Variants in GPN1 observed in about 807,000 individuals in gnomAD.
The protein encoded by GPN1 is ATP(GTP)-binding protein.
GPN1 carries 44 observed loss-of-function variants against 55.9 expected under a neutral mutation model. The observed-to-expected ratio is 0.79, with a 90% CI of 0.62 to 1.01. The LOEUF is 1.01. GPN1 is among the 50% of genes least tolerant of loss of function. GPN1 has a pLI of 0.00. For synonymous variants in GPN1, 179 were observed against 162.5 expected (o/e 1.10, Z -0.77); for missense variants, 466 against 462.8 (o/e 1.01, Z -0.06).
At chr2:27,644,266 TATAA>T (rs1674107580) in intron 12 of GPN1, among the ~76,000 whole-genome samples, 2 of 152,248 alleles carry the variant, frequency 1.3e-5, no homozygotes, top group African/African-American at 4.8e-5. Context: ...GCTTTGAGAC[TATAA>T]ATATCCTTTT....
chr2:27,631,080 T>G lies in GPN1; in HGVS notation c.245+14T>G. 7.6e-7 allele frequency: 1 copy of G among 1,322,668 alleles called. No individual in the cohort carries two copies. Among genetic ancestry groups the G allele is most frequent in the South Asian group, 1.2e-5 (1 of 84,176 alleles). 81.9% of individuals were successfully genotyped at this position (1,322,668 alleles called of 1,614,324 possible). A position where few individuals can be genotyped will look rare whatever the true frequency, so the allele number is the denominator to read the frequency against. On this transcript the variant is annotated intron_variant, in intron 3 of 13. Coordinates refer to ENST00000610189, the MANE Select transcript of GPN1 (RefSeq NM_007266.4). ...AGTAATGAAACAGTATCCTTTTCCATCTACTTTGGTCTTGACTCATTCCTG... is the reference window on the plus strand; with the variant it reads ...AGTAATGAAACAGTATCCTTTTCCAGCTACTTTGGTCTTGACTCATTCCTG...
intron 10 of GPN1, 45 bp from the exon 11 acceptor site, chr2:27,641,195 A>T: frequency 7.5e-7 from 1 of 1,333,034 alleles, no homozygotes; most frequent in South Asian, 1.2e-5. Flanking sequence ...AGTCAGTAGG[A>T]TAGAGGATTA....
chr2:27,641,271 A>G lies in GPN1; in HGVS notation c.832A>G (p.Lys278Glu). The change falls in exon 11 of 14, where the codon AAA (lysine) becomes GAA (glutamate). Residue 278 changes from lysine to glutamate, a missense_variant. Coordinates refer to ENST00000610189, the MANE Select transcript of GPN1 (RefSeq NM_007266.4). ...TCGTCCTGAATATGAACGTCTGAAA[A>G]AATCACTGGTAAGAAGGGAGGCTGT... ...EYRPEYERLK[K>E]SLANAESQQQ... 6.2e-7 allele frequency: 1 copy of G among 1,607,200 alleles called. No individual in the cohort carries two copies. Among genetic ancestry groups the G allele is most frequent in the Non-Finnish European group, 8.5e-7 (1 of 1,173,902 alleles).
chr2:27,628,469 C>CGCTA (rs1673378286), upstream of GPN1: 3 of 1,551,330 alleles, frequency 1.9e-6, no homozygotes, highest in South Asian at 1.2e-5. Flanking sequence ...AAGGAATGAG[C>CGCTA]GCTAGCATCA....
In GPN1 at chr2:27,640,068, G is replaced by A. The variant is rs556761625; in HGVS notation, c.743G>A (p.Gly248Asp). 3.7e-6 allele frequency: 6 copies of A among 1,612,686 alleles called. No individual in the cohort carries two copies. The South Asian group carries it at 4.4e-5, about 12-fold the overall frequency. The change falls in exon 10 of 14, where the codon GGT becomes GAT. Residue 248 changes from glycine to aspartate, a missense_variant. Gly to Asp is a moderately conservative substitution (Grantham distance 94). Transcript: ENST00000610189. ...GTGGTGGGTGTCTCTGCTGTTCTGG[G>A]TACTGGATTAGATGAACTCTTTGTG... The part of the protein sequence containing the change: ...LRVVGVSAVL[G>D]TGLDELFVQV...
At chr2:27,649,407 A>T (rs1674410112) in intron 13 of GPN1, among the ~76,000 whole-genome samples, 1 of 152,044 alleles carries the variant, frequency 6.6e-6, no homozygotes, top group Admixed American at 6.6e-5. Context: ...CAACAGTGAA[A>T]CTCACTTTTT....
At position 27,638,896 on chromosome 2, in the gene GPN1, T is replaced by C. The variant is rs1370523537; in HGVS notation, c.582T>C (p.Ile194=). 1 of 1,612,658 alleles carries C rather than the reference T, an allele frequency of 6.2e-7. No homozygotes were observed. The highest frequency in any genetic ancestry group is 1.1e-5 in the South Asian group (1 of 90,822). ...TCTCTCTGGTACAGACTGACATCAT[T>C]GACCACAGCTTTGCAGTGGAATGGA... ...FIVVMNKTDI[I]DHSFAVEWMQ... The change falls in exon 9 of 14, where the codon ATT becomes ATC. Residue 194 remains isoleucine (I), a synonymous_variant. Coordinates refer to ENST00000610189, the MANE Select transcript of GPN1 (RefSeq NM_007266.4).
intron 11 of GPN1, chr2:27,642,081 A>G (rs1251874596): frequency 5.8e-6 from 1 of 173,876 alleles, no homozygotes; most frequent in African/African-American, 2.4e-5. Context: ...AATGCTTTCT[A>G]TGTAGGCATT....
In GPN1 at chr2:27,650,576, A is replaced by C. The variant is rs1410188007; in HGVS notation, c.*376A>C. On this transcript the variant is annotated 3_prime_UTR_variant, in exon 14 of 14. Transcript: ENST00000610189. Reference sequence around the variant, plus strand: ...CACCTCAGATCTCTATTATTAGGCTAGATGTATAGCCTCTACTCCCCCAGC... The same window carrying C: ...CACCTCAGATCTCTATTATTAGGCTCGATGTATAGCCTCTACTCCCCCAGC... 1 of 157,880 alleles carries C rather than the reference A, an allele frequency of 6.3e-6. No individual in the cohort carries two copies. The highest frequency in any genetic ancestry group is 2.4e-5 in the African/African-American group (1 of 41,522). 9.8% of individuals were successfully genotyped at this position (157,880 alleles called of 1,614,324 possible).
At chr2:27,641,390 TAAA>T in intron 11 of GPN1, 111 bp downstream of exon 11, 1 of 721,542 alleles carries the variant, frequency 1.4e-6, no homozygotes, top group South Asian at 2.0e-5. Context: ...TTTATTTAAT[TAAA>T]AAAGTTTTTT....
intron 4 of GPN1, among the ~76,000 whole-genome samples, chr2:27,632,101 G>A (rs994818268): frequency 2.6e-5 from 4 of 152,192 alleles, no homozygotes; most frequent in African/African-American, 9.7e-5. Flanking sequence ...ATTTGTGACA[G>A]CTAATAAAAA....
At chr2:27,635,300 C>G in intron 7 of GPN1, 66 bp downstream of exon 7, 1 of 520,138 alleles carries the variant, frequency 1.9e-6, no homozygotes. Context: ...TCTTCTTCCT[C>G]TTTTTTTTTT....
In GPN1 at chr2:27,646,299, C is replaced by T. The variant is rs576255915; in HGVS notation, c.932-1537C>T. Among the ~76,000 whole-genome samples, 390 of 152,320 alleles carry T rather than the reference C, an allele frequency of 2.6e-3. 2 individuals are homozygous for T. Among genetic ancestry groups the T allele is most frequent in the Non-Finnish European group, 4.3e-3 (295 of 68,024 alleles). ...TCAGGTGATCTGCCCATTTCAGCCT[C>T]CCAAAGTGCTGGGATTACAGGCATG... On this transcript the variant is annotated intron_variant, in intron 12 of 13. Transcript: ENST00000610189.
chr2:27,637,528 G>A (rs1673776966), intron 7 of GPN1, among the ~76,000 whole-genome samples: 1 of 151,980 alleles, frequency 6.6e-6, no homozygotes, highest in Middle Eastern at 3.2e-3. Context: ...ACATTTTTAA[G>A]ATGTTACTTT....
intron 12 of GPN1, among the ~76,000 whole-genome samples, chr2:27,645,363 A>G (rs1192860310): frequency 6.6e-6 from 1 of 152,116 alleles, no homozygotes; most frequent in Admixed American, 6.6e-5. Context: ...TTATGTTTCA[A>G]TATCTGCTAG....
intron 12 of GPN1, among the ~76,000 whole-genome samples, chr2:27,647,501 ATGT>A (rs1305068481): frequency 6.6e-6 from 1 of 152,130 alleles, no homozygotes. Flanking sequence ...ATCTGCTCAA[ATGT>A]TGTTAGCTTT....
At chr2:27,645,115 G>A (rs1283476665) in intron 12 of GPN1, among the ~76,000 whole-genome samples, 3 of 152,038 alleles carry the variant, frequency 2.0e-5, no homozygotes, top group African/African-American at 7.2e-5. Flanking sequence ...CTACAGGTGT[G>A]TGCCACCACG....
intron 12 of GPN1, among the ~76,000 whole-genome samples, chr2:27,645,443 TTATC>T (rs796795840): frequency 3.4e-4 from 52 of 152,308 alleles, no homozygotes; most frequent in African/African-American, 1.1e-3. Context: ...AGTATCAACT[TTATC>T]TAGTTCCTTA....
At position 27,629,847 on chromosome 2, in the gene GPN1, A is replaced by C. The variant is rs200597624; in HGVS notation, c.112-12A>C. Reference sequence around the variant, plus strand: ...TTTGTCTCCTTCCAACCCTCTCCCCATATCTCTGCAGAGGCTCACAGGACA... The same window carrying C: ...TTTGTCTCCTTCCAACCCTCTCCCCCTATCTCTGCAGAGGCTCACAGGACA... On this transcript the variant is annotated splice_polypyrimidine_tract_variant and intron_variant, in intron 1 of 13. Coordinates refer to ENST00000610189, the MANE Select transcript of GPN1 (RefSeq NM_007266.4). The C allele has an allele frequency of 1.2e-4, 183 of 1,490,842 alleles. No homozygotes were observed. The highest frequency in any genetic ancestry group is 1.6e-4 in the Non-Finnish European group (170 of 1,067,394). 92.4% of individuals were successfully genotyped at this position (1,490,842 alleles called of 1,614,324 possible). A position where few individuals can be genotyped will look rare whatever the true frequency, so the allele number is the denominator to read the frequency against.
Sources: gnomAD v4.1 joint callset for allele counts (sites outside exome capture counted in the v4.1 genomes callset) on GRCh38, gnomAD v4.1.1 for gene constraint, MANE v1.5 for transcripts, NCBI Gene and HGNC (gene_info 2026-07-23, HGNC 2026-07-21) for gene names.